Variants in SMG6 observed in about 807,000 individuals in gnomAD.
SMG6 encodes the protein SMG6 nonsense mediated mRNA decay factor.
A neutral mutation model predicts 142.2 loss-of-function variants in SMG6; 66 were observed. The observed-to-expected ratio is 0.46, with a 90% CI of 0.38 to 0.57. SMG6 has a LOEUF of 0.57. SMG6 is among the 20% of genes least tolerant of loss of function. The pLI, the probability that SMG6 is intolerant of heterozygous loss-of-function variation, is 0.00. For missense variants in SMG6, 1,793 were observed against 1,832.0 expected, an observed-to-expected ratio of 0.98 and a Z score of 0.39; for synonymous variants, 779 against 702.4, an observed-to-expected ratio of 1.11 and a Z score of -1.72.
intron 13 of SMG6, among the ~76,000 whole-genome samples, chr17:2,112,359 T>A (rs2069351384): frequency 6.6e-6 from 1 of 150,670 alleles, no homozygotes; most frequent in South Asian, 2.1e-4. Context: ...AAAAAAAAAA[T>A]TAGCCAGGCG....
chr17:2,284,310 A>T (rs555959768), intron 6 of SMG6, among the ~76,000 whole-genome samples: 101 of 152,334 alleles, frequency 6.6e-4, no homozygotes, highest in African/African-American at 2.3e-3. Context: ...ACTGTCTCAC[A>T]CTTAACTGTA....
intron 13 of SMG6, among the ~76,000 whole-genome samples, chr17:2,104,232 TGA>T (rs2069093637): frequency 6.6e-6 from 1 of 152,000 alleles, no homozygotes; most frequent in African/African-American, 2.4e-5. Context: ...ATTACAGGCG[TGA>T]GCCACCGCGC....
At chr17:2,288,041 T>A (rs552431627) in intron 6 of SMG6, among the ~76,000 whole-genome samples, 1 of 152,136 alleles carries the variant, frequency 6.6e-6, no homozygotes, top group East Asian at 1.9e-4. Context: ...AGGCAGGGCA[T>A]GGTGGCTCAC....
chr17:2,207,038 G>C (rs1416456330), intron 10 of SMG6, among the ~76,000 whole-genome samples: 1 of 150,828 alleles, frequency 6.6e-6, no homozygotes, highest in South Asian at 2.1e-4. Context: ...TTGGGAAGCC[G>C]GGGCAGGCAG....
intron 10 of SMG6, among the ~76,000 whole-genome samples, chr17:2,202,229 A>G (rs2072550431): frequency 6.6e-6 from 1 of 152,222 alleles, no homozygotes; most frequent in Non-Finnish European, 1.5e-5. Context: ...AGTGAGGACT[A>G]TTCAACAATA....
intron 8 of SMG6, among the ~76,000 whole-genome samples, chr17:2,245,776 G>C (rs573325897): frequency 5.9e-5 from 9 of 152,288 alleles, no homozygotes; most frequent in African/African-American, 2.2e-4. Flanking sequence ...AACCTCCTGG[G>C]CTCAAGTGAT....
intron 13 of SMG6, among the ~76,000 whole-genome samples, chr17:2,123,231 C>G (rs1220136241): frequency 6.6e-6 from 1 of 152,160 alleles, no homozygotes; most frequent in Non-Finnish European, 1.5e-5. Context: ...TAGGCTTGGT[C>G]GCCACCTCGG....
At position 2,292,585 on chromosome 17, in the gene SMG6, G is replaced by T. The variant is rs755773566; in HGVS notation, c.2304C>A (p.Pro768=). Residue 768 remains proline (P), a synonymous_variant, in exon 6 of 19, where the codon CCC becomes CCA. Coordinates refer to ENST00000263073, the MANE Select transcript of SMG6 (RefSeq NM_017575.5). The stretch of plus-strand genomic sequence containing the variant: ...CTGCCAGCAAAGCCAACTGGTTATA[G>T]GGGCGCCCATTCTTGGGAGCAATGT... The part of the protein sequence containing the change: ...AQHIAPKNGR[P]YNQLALLAVY... 1.7e-5 allele frequency: 28 copies of T among 1,614,088 alleles called. No individual in the cohort carries two copies. In the South Asian group the frequency reaches 3.0e-4, roughly 17 times the overall value.
rs1474187061 is a variant in SMG6 at position 2,172,685 on chromosome 17, G to A, written c.3330C>T (p.Pro1110=). Residue 1110 remains proline, a synonymous_variant, in exon 13 of 19, where the codon CCC becomes CCT. Transcript: ENST00000263073. ...FVPLLAAPQD[P]CYVEKTSDKV... ...TATCCGAGGTTTTCTCCACGTAGCA[G>A]GGGTCCTGAGGGGCAGCCAGCAAGG... The A allele has an allele frequency of 1.2e-6, 2 of 1,613,770 alleles. No homozygotes were observed. Among genetic ancestry groups the A allele is most frequent in the Non-Finnish European group, 8.5e-7 (1 of 1,180,026 alleles).
chr17:2,129,323 T>A (rs1333331367), intron 13 of SMG6, among the ~76,000 whole-genome samples: 1 of 151,880 alleles, frequency 6.6e-6, no homozygotes, highest in African/African-American at 2.4e-5. Flanking sequence ...GAACCTATTT[T>A]AAAAAAATTA....
rs370989363 is a variant in SMG6, at chr17:2,297,266, G to A, written c.2128C>T (p.Arg710Cys). Residue 710 changes from arginine to cysteine, a missense_variant, in exon 4 of 19, where the codon CGC becomes TGC. By Grantham distance (180) the Arg-to-Cys change is radical. Transcript: ENST00000263073. ...LEDYMDGLAI[R>C]SKPLRKTVKY... Reference sequence around the variant, plus strand: ...ACTGTCTTGCGTAATGGCTTGCTGCGAATGGCAAGACCATCCATGTAGTCT... The same window carrying A: ...ACTGTCTTGCGTAATGGCTTGCTGCAAATGGCAAGACCATCCATGTAGTCT... 9.5e-5 allele frequency: 152 copies of A among 1,606,288 alleles called. 1 individual carries two copies. The highest frequency in any genetic ancestry group is 1.2e-4 in the Non-Finnish European group (143 of 1,177,432).
At chr17:2,280,399 A>C (rs1035939695) in intron 8 of SMG6, among the ~76,000 whole-genome samples, 1 of 152,058 alleles carries the variant, frequency 6.6e-6, no homozygotes, top group Non-Finnish European at 1.5e-5. Flanking sequence ...AGTAGCTGGG[A>C]TTACAGGAGT....
In SMG6 at chr17:2,087,166, G is replaced by A. The variant is rs112753060; in HGVS notation, c.3358-1265C>T. 3.6e-5 allele frequency: 47 copies of A among 1,290,442 alleles called. 1 individual carries two copies. Among genetic ancestry groups the A allele is most frequent in the African/African-American group, 3.5e-4 (23 of 65,952 alleles). 79.9% of individuals were successfully genotyped at this position (1,290,442 alleles called of 1,614,324 possible). On this transcript the variant is annotated intron_variant, in intron 13 of 18. Coordinates refer to ENST00000263073, the MANE Select transcript of SMG6 (RefSeq NM_017575.5). The stretch of plus-strand genomic sequence containing the variant: ...CTGGTGGCAAAGCCTAAATCTCATC[G>A]TTTTCGTACGTCACTGGCAAGAATT...
intron 13 of SMG6, among the ~76,000 whole-genome samples, chr17:2,116,878 A>G (rs2069523523): frequency 6.6e-6 from 1 of 152,046 alleles, no homozygotes. Context: ...AAGAAAAAAG[A>G]CAAAGAATCC....
chr17:2,267,114 C>CCA (rs1435872998), intron 8 of SMG6, among the ~76,000 whole-genome samples: 1 of 152,182 alleles, frequency 6.6e-6, no homozygotes, highest in African/African-American at 2.4e-5. Context: ...GTACATATTG[C>CCA]AAACTACTTT....
intron 14 of SMG6, 192 bp from the exon 15 acceptor site, chr17:2,082,148 G>A (rs774436087): frequency 1.2e-5 from 7 of 596,374 alleles, no homozygotes; most frequent in African/African-American, 5.6e-5. Context: ...CTCTTCCCCC[G>A]GAGCTGCTCT....
chr17:2,246,233 C>T (rs1437267634), intron 8 of SMG6, among the ~76,000 whole-genome samples: 1 of 152,206 alleles, frequency 6.6e-6, no homozygotes, highest in Non-Finnish European at 1.5e-5. Flanking sequence ...AAAAACTAAA[C>T]CTCCTTGTCA....
chr17:2,301,854 A>G (rs757256558), intron 1 of SMG6, among the ~76,000 whole-genome samples: 5 of 152,202 alleles, frequency 3.3e-5, no homozygotes, highest in East Asian at 1.9e-4. Context: ...GGTTTTTTAA[A>G]AAAGTATCTG....
chr17:2,087,151 A>G, intron 13 of SMG6: 1 of 1,290,536 alleles, frequency 7.7e-7, no homozygotes, highest in Non-Finnish European at 1.0e-6. Flanking sequence ...CTGGTGGCAA[A>G]GCCTAAATCT....
Sources: gnomAD v4.1 joint callset for allele counts (sites outside exome capture counted in the v4.1 genomes callset) on GRCh38, gnomAD v4.1.1 for gene constraint, MANE v1.5 for transcripts, NCBI Gene and HGNC (gene_info 2026-07-23, HGNC 2026-07-21) for gene names.